The following MYMX variants were observed in gnomAD, a reference collection of about 807,000 sequenced individuals.
MYMX encodes myomixer, myoblast fusion factor, also known as protein myomixer.
upstream of MYMX, among the ~76,000 whole-genome samples, chr6:44,216,502 A>G (rs1775871946): frequency 6.6e-6 from 1 of 152,034 alleles, no homozygotes; most frequent in East Asian, 1.9e-4. Flanking sequence ...ATACAAAAAA[A>G]TTAGCCTGGC....
At chr6:44,213,570 T>A (rs1377058149), upstream of MYMX, among the ~76,000 whole-genome samples, 1 of 150,590 alleles carries the variant, frequency 6.6e-6, no homozygotes, top group African/African-American at 2.4e-5. Flanking sequence ...TACAGGCACG[T>A]GCCACCACGC....
upstream of MYMX, among the ~76,000 whole-genome samples, chr6:44,215,274 A>G (rs1307187693): frequency 6.6e-6 from 1 of 152,256 alleles, no homozygotes; most frequent in Non-Finnish European, 1.5e-5. Flanking sequence ...AGAATGAAGT[A>G]TTTATAAAAC....
the MYMX span, among the ~76,000 whole-genome samples, chr6:44,199,554 A>G: frequency 2.0e-5 from 3 of 151,874 alleles, no homozygotes; most frequent in African/African-American, 7.3e-5. Context: ...TTTTTTTCCC[A>G]TATAAATTTT....
upstream of MYMX, among the ~76,000 whole-genome samples, chr6:44,216,171 C>T (rs549047130): frequency 5.2e-4 from 79 of 152,226 alleles, 2 homozygotes; most frequent in African/African-American, 2.4e-5. Context: ...GTCCCAGCCA[C>T]TGAGCATGCC....
the MYMX span, among the ~76,000 whole-genome samples, chr6:44,206,132 A>G: frequency 6.6e-6 from 1 of 151,828 alleles, no homozygotes; most frequent in African/African-American, 2.4e-5. Context: ...TAAGATTCTT[A>G]CCATATTAGG....
the MYMX span, among the ~76,000 whole-genome samples, chr6:44,197,271 G>A: frequency 6.6e-6 from 1 of 151,658 alleles, no homozygotes; most frequent in African/African-American, 2.4e-5. Flanking sequence ...GGCGGCTCAC[G>A]CCTGTAATTC....
At chr6:44,210,682 T>C in the MYMX span, among the ~76,000 whole-genome samples, 1 of 152,268 alleles carries the variant, frequency 6.6e-6, no homozygotes, top group East Asian at 1.9e-4. Context: ...AATTAAGTGA[T>C]GGCTATTCAT....
chr6:44,210,420 C>T, the MYMX span, among the ~76,000 whole-genome samples: 5 of 152,204 alleles, frequency 3.3e-5, no homozygotes, highest in South Asian at 4.1e-4. Flanking sequence ...TCCTGAGTAG[C>T]AGATGTGCAC....
the MYMX span, among the ~76,000 whole-genome samples, chr6:44,195,462 ATTT>A: frequency 2.0e-5 from 3 of 148,356 alleles, no homozygotes; most frequent in Admixed American, 6.7e-5. Flanking sequence ...CTATGCTGTA[ATTT>A]TTTTTTTATG....
the MYMX span, among the ~76,000 whole-genome samples, chr6:44,194,722 C>T: frequency 1.3e-5 from 2 of 152,192 alleles, no homozygotes; most frequent in African/African-American, 4.8e-5. Flanking sequence ...CAGCACCGCA[C>T]TCCCTAACTG....
chr6:44,214,500 C>T (rs1775757828), upstream of MYMX, among the ~76,000 whole-genome samples: 1 of 152,196 alleles, frequency 6.6e-6, no homozygotes, highest in Non-Finnish European at 1.5e-5. Context: ...GTTGCTTAAC[C>T]ATCCTGATCC....
At chr6:44,203,995 G>A in the MYMX span, among the ~76,000 whole-genome samples, 1 of 151,972 alleles carries the variant, frequency 6.6e-6, no homozygotes, top group East Asian at 1.9e-4. Context: ...TTACAGGCAC[G>A]CATCGCCATG....
the MYMX span, among the ~76,000 whole-genome samples, chr6:44,199,658 A>G: frequency 1.3e-5 from 2 of 151,122 alleles, no homozygotes; most frequent in Non-Finnish European, 2.9e-5. Flanking sequence ...TCAGAGTTGC[A>G]TTGAATTTCT....
At chr6:44,214,779 G>C (rs911469769), upstream of MYMX, among the ~76,000 whole-genome samples, 2 of 152,078 alleles carry the variant, frequency 1.3e-5, no homozygotes, top group African/African-American at 4.8e-5. Flanking sequence ...CACCGTGTTG[G>C]CCAGGCTGGT....
the MYMX span, among the ~76,000 whole-genome samples, chr6:44,201,125 G>A: frequency 3.1e-3 from 472 of 152,296 alleles, 3 homozygotes; most frequent in African/African-American, 0.01. Flanking sequence ...TTGGTGGGCA[G>A]AGGAATGATG....
chr6:44,194,597 C>T, the MYMX span, among the ~76,000 whole-genome samples: 5 of 152,130 alleles, frequency 3.3e-5, no homozygotes, highest in African/African-American at 9.7e-5. Flanking sequence ...CTCCTGCCTA[C>T]GGGGGCTGGA....
the MYMX span, among the ~76,000 whole-genome samples, chr6:44,204,203 A>G: frequency 1.3e-5 from 2 of 152,194 alleles, no homozygotes; most frequent in Admixed American, 6.5e-5. Flanking sequence ...GAAGTAAAAT[A>G]TATAGCATGT....
upstream of MYMX, among the ~76,000 whole-genome samples, chr6:44,213,952 G>A (rs899545872): frequency 5.9e-5 from 9 of 152,084 alleles, no homozygotes; most frequent in African/African-American, 1.9e-4. Flanking sequence ...CTGGGACTAC[G>A]GGTGTGCATT....
At chr6:44,202,235 G>A in the MYMX span, among the ~76,000 whole-genome samples, 2 of 152,102 alleles carry the variant, frequency 1.3e-5, no homozygotes, top group African/African-American at 2.4e-5. Context: ...AGCCTTGCAC[G>A]GGCTTTCACA....
Sources: gnomAD v4.1 joint callset for allele counts (sites outside exome capture counted in the v4.1 genomes callset) on GRCh38, gnomAD v4.1.1 for gene constraint, MANE v1.5 for transcripts, NCBI Gene and HGNC (gene_info 2026-07-23, HGNC 2026-07-21) for gene names.